TAF1B: variants seen among roughly 807,000 people sequenced by gnomAD.
The protein encoded by TAF1B is TATA-box binding protein associated factor, RNA polymerase I subunit B.
Under a neutral mutation model 83.9 loss-of-function variants are expected in TAF1B, and 61 were observed. The ratio of observed to expected loss-of-function variants is 0.73; its 90% CI spans 0.59 to 0.90. TAF1B has a LOEUF of 0.90. TAF1B is among the 40% of genes least tolerant of loss of function. The pLI, the probability that TAF1B is intolerant of heterozygous loss-of-function variation, is 0.00. For missense variants in TAF1B, 625 were observed against 677.0 expected (o/e 0.92, Z 0.85); for synonymous variants, 221 against 224.6 (o/e 0.98, Z 0.14).
intron 9 of TAF1B, among the ~76,000 whole-genome samples, chr2:9,906,950 T>A (rs750532041): frequency 2.6e-5 from 4 of 152,186 alleles, no homozygotes; most frequent in Non-Finnish European, 5.9e-5. Context: ...TGATTGTAGC[T>A]TATTACAACC....
Position 9,875,850 on chromosome 2 carries a change from C to T in TAF1B, c.554-15C>T, listed in dbSNP as rs1664306022. The T allele has an allele frequency of 1.2e-5, 18 of 1,549,824 alleles. No individual in the cohort carries two copies. The highest frequency in any genetic ancestry group is 1.5e-5 in the Non-Finnish European group (17 of 1,139,596). ...AGTTCACTGGATTTTTAAAAATCTC[C>T]ATTTATCTCCTAAGAAACGTCTGTC... On this transcript the variant is annotated splice_polypyrimidine_tract_variant and intron_variant, in intron 6 of 14. Transcript: ENST00000263663.
At chr2:9,861,055 C>T (rs1231615761) in intron 5 of TAF1B, among the ~76,000 whole-genome samples, 1 of 152,202 alleles carries the variant, frequency 6.6e-6, no homozygotes, top group African/African-American at 2.4e-5. Flanking sequence ...GCATTTCCAA[C>T]TAAAGTACTG....
intron 8 of TAF1B, among the ~76,000 whole-genome samples, chr2:9,898,052 T>G (rs1665069678): frequency 6.6e-6 from 1 of 150,980 alleles, no homozygotes; most frequent in Non-Finnish European, 1.5e-5. Flanking sequence ...TTTCCAAACT[T>G]GGAGAGTAAA....
chr2:9,871,033 A>G (rs2125148347), intron 6 of TAF1B, among the ~76,000 whole-genome samples: 1 of 151,518 alleles, frequency 6.6e-6, no homozygotes, highest in African/African-American at 2.4e-5. Context: ...ATCTAGAATG[A>G]TATCTCTAGA....
chr2:9,878,221 T>TC (rs1459330295), intron 7 of TAF1B, among the ~76,000 whole-genome samples: 2 of 94,412 alleles, frequency 2.1e-5, no homozygotes, highest in East Asian at 2.2e-4. Context: ...TTCTTCTTCT[T>TC]TTTTTTTTTT....
At chr2:9,844,231 GC>G (rs1463244456) in intron 1 of TAF1B, 1 of 151,078 alleles carries the variant, frequency 6.6e-6, no homozygotes, top group Non-Finnish European at 1.5e-5. Context: ...GCTCACTGCA[GC>G]CTCGAATCCT....
At chr2:9,906,321 A>G (rs923487945) in intron 9 of TAF1B, among the ~76,000 whole-genome samples, 5 of 152,230 alleles carry the variant, frequency 3.3e-5, no homozygotes, top group African/African-American at 1.2e-4. Flanking sequence ...AGGAGTAGAA[A>G]TAAATCCGTT....
intron 8 of TAF1B, among the ~76,000 whole-genome samples, chr2:9,901,129 G>C (rs1665166452): frequency 6.6e-6 from 1 of 151,954 alleles, no homozygotes; most frequent in African/African-American, 2.4e-5. Flanking sequence ...TTTAAAAATG[G>C]GAAACAACCT....
chr2:9,933,022 AT>A (rs1020231015), intron 14 of TAF1B, among the ~76,000 whole-genome samples: 2 of 152,152 alleles, frequency 1.3e-5, no homozygotes, highest in African/African-American at 4.8e-5. Context: ...TGCTAAGACC[AT>A]TGGAAAAGCG....
chr2:9,913,513 T>G (rs907977060), intron 12 of TAF1B: 1 of 299,060 alleles, frequency 3.3e-6, no homozygotes, highest in African/African-American at 2.2e-5. Context: ...AGTATACTTT[T>G]TATAATTTAA....
intron 8 of TAF1B, among the ~76,000 whole-genome samples, chr2:9,887,642 T>C (rs957449851): frequency 1.3e-5 from 2 of 152,172 alleles, no homozygotes; most frequent in African/African-American, 4.8e-5. Flanking sequence ...TTTCTGGTAG[T>C]TAGTATGTCA....
chr2:9,887,147 C>T (rs1028899289), intron 8 of TAF1B, among the ~76,000 whole-genome samples: 1 of 152,162 alleles, frequency 6.6e-6, no homozygotes, highest in African/African-American at 2.4e-5. Context: ...TTATTTCTGA[C>T]GGCAATTCAC....
Position 9,865,063 on chromosome 2 carries a change from G to C in TAF1B, c.400-3213G>C, listed in dbSNP as rs372129650. Among the ~76,000 whole-genome samples the C allele has an allele frequency of 1.0e-3, 153 of 152,132 alleles. 1 individual carries two copies. Among genetic ancestry groups the C allele is most frequent in the East Asian group, 3.7e-3 (19 of 5,162 alleles). On this transcript the variant is annotated intron_variant, in intron 5 of 14. Coordinates refer to ENST00000263663, the MANE Select transcript of TAF1B (RefSeq NM_005680.3). ...GATGCCCTCTCTCACCACTCCTATT[G>C]AACATAGTGTTGGAAGTTCTGGCCA...
intron 12 of TAF1B, among the ~76,000 whole-genome samples, chr2:9,915,825 A>G (rs1455228382): frequency 1.3e-5 from 2 of 152,246 alleles, no homozygotes; most frequent in African/African-American, 4.8e-5. Flanking sequence ...ATTGCCAAAA[A>G]CTGGCAACAA....
At chr2:9,875,282 C>T (rs561840865) in intron 6 of TAF1B, among the ~76,000 whole-genome samples, 13 of 152,126 alleles carry the variant, frequency 8.5e-5, no homozygotes, top group African/African-American at 3.1e-4. Flanking sequence ...TCTTTAGAAT[C>T]CTGTCCCATC....
chr2:9,888,807 T>TTTTG lies in TAF1B; in HGVS notation c.807+6005_807+6006insGTTT, dbSNP rs1558251764. Among the ~76,000 whole-genome samples the TTTTG allele has an allele frequency of 2.9e-3, 425 of 144,810 alleles. 5 individuals carry two copies. The highest frequency in any genetic ancestry group is 0.01 in the African/African-American group (395 of 38,374). On this transcript the variant is annotated intron_variant, in intron 8 of 14. Transcript: ENST00000263663. Reference sequence around the variant, plus strand: ...TCTGCTTGGTTTTTTTTTTTTTTTTTTTTTTTTTTTTTTAAGACAAATTTT... The same window carrying TTTTG: ...TCTGCTTGGTTTTTTTTTTTTTTTTTTTTGTTTTTTTTTTTTTAAGACAAATTTT...
At chr2:9,888,739 A>T (rs1370182589) in intron 8 of TAF1B, among the ~76,000 whole-genome samples, 2 of 135,688 alleles carry the variant, frequency 1.5e-5, no homozygotes, top group Admixed American at 7.4e-5. Flanking sequence ...GATCTCACCA[A>T]TTGGATTATT....
At chr2:9,845,851 C>T in intron 2 of TAF1B, 1 of 302,518 alleles carries the variant, frequency 3.3e-6, no homozygotes, top group Non-Finnish European at 6.5e-6. Context: ...GGCGTGGTAG[C>T]ATGCGCCTGT....
rs1386022122 is a variant in TAF1B, at chr2:9,933,807, T to C, written c.1590T>C (p.Tyr530=). The change falls in exon 15 of 15, where the codon TAT becomes TAC. Residue 530 remains tyrosine, a synonymous_variant. Coordinates refer to ENST00000263663, the MANE Select transcript of TAF1B (RefSeq NM_005680.3). ...CRCYCTHVTT[Y]EESNYSLSYQ... ...GCTATTGTACACATGTGACAACCTA[T>C]GAAGAATCAAATTATTCTCTGAGTT... 6.2e-7 allele frequency: 1 copy of C among 1,613,376 alleles called. No homozygotes were observed.
Sources: allele counts gnomAD v4.1 joint callset (sites outside exome capture counted in the v4.1 genomes callset), GRCh38; gene constraint gnomAD v4.1.1; transcripts MANE v1.5; gene names NCBI Gene and HGNC (gene_info 2026-07-23, HGNC 2026-07-21).